H2AC25: variants seen among roughly 807,000 people sequenced by gnomAD.
H2AC25 encodes the protein H2A clustered histone 25.
At chr1:228,457,448 G>T in the H2AC25 span, 1 of 1,613,972 alleles carries the variant, frequency 6.2e-7, no homozygotes, top group African/African-American at 1.3e-5. Flanking sequence ...GCCTTGTGGT[G>T]GCTCTCCGTC....
the H2AC25 span, chr1:228,457,370 G>A: frequency 6.3e-7 from 1 of 1,598,722 alleles, no homozygotes; most frequent in Non-Finnish European, 8.5e-7. Flanking sequence ...ATAGTAGGTG[G>A]CTCTGAAAAG....
At chr1:228,457,867 A>T in the H2AC25 span, 1 of 1,562,858 alleles carries the variant, frequency 6.4e-7, no homozygotes, top group Non-Finnish European at 8.6e-7. Flanking sequence ...GAGACTAAAA[A>T]CAAGAGGGCA....
chr1:228,457,364 T>C, the H2AC25 span: 1 of 1,591,168 alleles, frequency 6.3e-7, no homozygotes, highest in South Asian at 1.1e-5. Context: ...CTCGAGATAG[T>C]AGGTGGCTCT....
chr1:228,457,450 C>G, the H2AC25 span: 1 of 1,614,098 alleles, frequency 6.2e-7, no homozygotes, highest in African/African-American at 1.3e-5. Flanking sequence ...CTTGTGGTGG[C>G]TCTCCGTCTT....
At chr1:228,457,491 C>T in the H2AC25 span, 1 of 1,614,130 alleles carries the variant, frequency 6.2e-7, no homozygotes, top group South Asian at 1.1e-5. Flanking sequence ...GGATGTTGGG[C>T]AGGACGCCAC....
At chr1:228,457,786 G>A in the H2AC25 span, 4 of 1,607,944 alleles carry the variant, frequency 2.5e-6, no homozygotes, top group African/African-American at 4.0e-5. Context: ...CTTGGCGCGC[G>A]CCTTGCCACC....
At chr1:228,457,606 G>A in the H2AC25 span, 1 of 1,613,996 alleles carries the variant, frequency 6.2e-7, no homozygotes, top group Non-Finnish European at 8.5e-7. Flanking sequence ...GTTGTCGCGC[G>A]CCGCGTTGCC....
At chr1:228,457,852 A>AC in the H2AC25 span, 1 of 1,573,780 alleles carries the variant, frequency 6.4e-7, no homozygotes, top group African/African-American at 1.4e-5. Flanking sequence ...CGGCAACCGA[A>AC]AAGCGAGACT....
At chr1:228,457,369 G>T in the H2AC25 span, 1 of 1,596,670 alleles carries the variant, frequency 6.3e-7, no homozygotes, top group Non-Finnish European at 8.5e-7. Context: ...GATAGTAGGT[G>T]GCTCTGAAAA....
At chr1:228,457,837 G>A in the H2AC25 span, 4 of 1,580,082 alleles carry the variant, frequency 2.5e-6, no homozygotes, top group Non-Finnish European at 3.4e-6. Flanking sequence ...AAGGAAAAAA[G>A]ACAACGGCAA....
At chr1:228,457,505 G>C in the H2AC25 span, 1 of 1,614,128 alleles carries the variant, frequency 6.2e-7, no homozygotes, top group South Asian at 1.1e-5. Flanking sequence ...ACGCCACCCT[G>C]CGCGATGGTC....
chr1:228,457,562 G>A, the H2AC25 span: 1 of 1,614,090 alleles, frequency 6.2e-7, no homozygotes. Flanking sequence ...CGGATGGCCA[G>A]CTGCAGGTGG....
chr1:228,457,416 CG>C, the H2AC25 span: 3 of 1,613,526 alleles, frequency 1.9e-6, no homozygotes, highest in Non-Finnish European at 2.5e-6. Context: ...CCGGGGGCGG[CG>C]GGCGGCCTCA....
the H2AC25 span, chr1:228,457,450 C>A: frequency 2.5e-6 from 4 of 1,614,098 alleles, no homozygotes; most frequent in Non-Finnish European, 3.4e-6. Context: ...CTTGTGGTGG[C>A]TCTCCGTCTT....
the H2AC25 span, chr1:228,457,663 A>G: frequency 3.7e-6 from 6 of 1,613,602 alleles, no homozygotes; most frequent in Non-Finnish European, 5.1e-6. Flanking sequence ...CACCGCGGCC[A>G]GATAGACCGG....
the H2AC25 span, chr1:228,457,579 A>C: frequency 1.2e-6 from 2 of 1,614,032 alleles, no homozygotes; most frequent in East Asian, 4.5e-5. Flanking sequence ...GTGGCGCGGG[A>C]TGATGCGCGT....
the H2AC25 span, chr1:228,457,653 C>A: frequency 6.2e-7 from 1 of 1,613,836 alleles, no homozygotes; most frequent in Non-Finnish European, 8.5e-7. Flanking sequence ...AGTACTCGAG[C>A]ACCGCGGCCA....
chr1:228,457,463 T>C, the H2AC25 span: 1 of 1,614,090 alleles, frequency 6.2e-7, no homozygotes, highest in Non-Finnish European at 8.5e-7. Flanking sequence ...TCCGTCTTCT[T>C]GGGCAGCAGT....
chr1:228,457,420 C>T, the H2AC25 span: 6 of 1,613,616 alleles, frequency 3.7e-6, no homozygotes, highest in African/African-American at 5.3e-5. Context: ...GGGCGGCGGG[C>T]GGCCTCACTT....
Sources: gnomAD v4.1 joint callset for allele counts on GRCh38, gnomAD v4.1.1 for gene constraint, MANE v1.5 for transcripts, NCBI Gene and HGNC (gene_info 2026-07-23, HGNC 2026-07-21) for gene names.